The following VWCE variants were observed in gnomAD, a reference collection of about 807,000 sequenced individuals.
VWCE encodes the protein von Willebrand factor C and EGF domains.
A neutral mutation model predicts 102.9 loss-of-function variants in VWCE; 68 were observed. That is an observed-to-expected ratio of 0.66 (90% CI 0.54 to 0.81). The LOEUF (loss-of-function observed/expected upper bound fraction) is 0.81, where lower values mean the gene tolerates loss of function less well. VWCE is among the 30% of genes least tolerant of loss of function. VWCE has a pLI of 0.00. For missense variants in VWCE, 1,137 were observed against 1,263.6 expected (o/e 0.90, Z 1.52); for synonymous variants, 497 against 515.4 (o/e 0.96, Z 0.48).
At chr11:61,273,363 G>A (rs1298018494) in intron 12 of VWCE, 47 bp from the exon 13 acceptor site, 5 of 1,538,622 alleles carry the variant, frequency 3.2e-6, no homozygotes, top group Non-Finnish European at 4.4e-6. Context: ...CACCCTGCCT[G>A]GGGACCATGG....
chr11:61,285,665 C>T (rs1466414605), intron 5 of VWCE, among the ~76,000 whole-genome samples: 2 of 152,194 alleles, frequency 1.3e-5, no homozygotes, highest in African/African-American at 2.4e-5. Flanking sequence ...TCTCAGTGGC[C>T]TCCTTCCCCA....
chr11:61,258,612 G>A lies in VWCE; in HGVS notation c.*63C>T. 3 of 1,326,912 alleles carry A rather than the reference G, an allele frequency of 2.3e-6. No homozygotes were observed. In the South Asian group the frequency reaches 9.0e-5, roughly 40 times the overall value. 82.2% of individuals were successfully genotyped at this position (1,326,912 alleles called of 1,614,324 possible). A position where few individuals can be genotyped will look rare whatever the true frequency, so the allele number is the denominator to read the frequency against. On this transcript the variant is annotated 3_prime_UTR_variant, in exon 20 of 20. Transcript: ENST00000335613. ...CCAGGTTCATCCTTGGAGCTGCCCT[G>A]CACACACCCTGGGCCACTGGCAGAG...
rs764741197 is a variant in VWCE at position 61,293,241 on chromosome 11, C to CAAAAAAAAAAA, written c.110+1676_111-1666dup. The stretch of plus-strand genomic sequence containing the variant: ...GGGCAACAAGAGCAAAACTCCATCT[C>CAAAAAAAAAAA]AAAAAAAAAAAAAAAAAAAAAAAAA... On this transcript the variant is annotated intron_variant, in intron 1 of 19. Transcript: ENST00000335613. Among the ~76,000 whole-genome samples, 4 of 18,026 alleles carry CAAAAAAAAAAA rather than the reference C, an allele frequency of 2.2e-4. 1 individual carries two copies. Among genetic ancestry groups the CAAAAAAAAAAA allele is most frequent in the African/African-American group, 7.8e-4 (4 of 5,126 alleles). The allele number at this position is 18,026 out of a possible 152,430, so 11.8% of individuals were successfully genotyped here.
Position 61,258,621 on chromosome 11 carries a change from C to G in VWCE, c.*54G>C. ...TCCTTGGAGCTGCCCTGCACACACCCTGGGCCACTGGCAGAGGTCCTCTCT... is the reference window on the plus strand; with the variant it reads ...TCCTTGGAGCTGCCCTGCACACACCGTGGGCCACTGGCAGAGGTCCTCTCT... On this transcript the variant is annotated 3_prime_UTR_variant, in exon 20 of 20. Transcript: ENST00000335613. The G allele has an allele frequency of 7.5e-7, 1 of 1,338,628 alleles. No individual in the cohort carries two copies. The highest frequency in any genetic ancestry group is 2.7e-5 in the East Asian group (1 of 37,128). The allele number at this position is 1,338,628 out of a possible 1,614,324, so 82.9% of individuals were successfully genotyped here.
chr11:61,278,366 G>A (rs752155649), intron 10 of VWCE, 28 bp downstream of exon 10: 181 of 1,612,766 alleles, frequency 1.1e-4, no homozygotes, highest in Non-Finnish European at 1.5e-4. Context: ...AAACACCCAC[G>A]AGGCTTTGAG....
chr11:61,291,000 C>T, intron 3 of VWCE, 73 bp from the exon 4 acceptor site: 4 of 1,558,066 alleles, frequency 2.6e-6, no homozygotes, highest in Non-Finnish European at 3.5e-6. Context: ...CCAGGGTCCT[C>T]CTGAATTCTG....
chr11:61,286,107 C>T (rs1347154161), intron 5 of VWCE, among the ~76,000 whole-genome samples: 3 of 152,178 alleles, frequency 2.0e-5, no homozygotes, highest in Non-Finnish European at 4.4e-5. Context: ...TCTGACTCCA[C>T]CTCTTACTAA....
chr11:61,274,650 A>T, intron 11 of VWCE, 66 bp from the exon 12 acceptor site: 1 of 1,477,756 alleles, frequency 6.8e-7, no homozygotes. Flanking sequence ...AAAGGGGGGA[A>T]CAAATGGGTA....
rs1175076249 is a variant in VWCE at position 61,282,784 on chromosome 11, C to T, written c.658+5G>A. ...GTGCAGACCACAGGGTCCTCCCCGC[C>T]TTACCTACACAGGAGTGCCGGTTGC... On this transcript the variant is annotated splice_donor_5th_base_variant and intron_variant, in intron 6 of 19. Coordinates refer to ENST00000335613, the MANE Select transcript of VWCE (RefSeq NM_152718.2). 6.2e-7 allele frequency: 1 copy of T among 1,613,308 alleles called. No individual in the cohort carries two copies.
intron 4 of VWCE, 121 bp downstream of exon 4, chr11:61,290,678 C>A: frequency 8.6e-7 from 1 of 1,159,340 alleles, no homozygotes. Context: ...TCTCAAACAT[C>A]AGAGCCTATC....
At chr11:61,279,642 T>C in intron 9 of VWCE, among the ~76,000 whole-genome samples, 1 of 152,138 alleles carries the variant, frequency 6.6e-6, no homozygotes, top group Non-Finnish European at 1.5e-5. Flanking sequence ...TAACTACTGC[T>C]CAATCTCCAG....
chr11:61,259,003 C>A lies in VWCE; in HGVS notation c.2540G>T (p.Gly847Val). The A allele has an allele frequency of 6.2e-7, 1 of 1,613,270 alleles. No individual in the cohort carries two copies. Among genetic ancestry groups the A allele is most frequent in the South Asian group, 1.1e-5 (1 of 91,042 alleles). ...EPGASPRLSP[G>V]PSTPPGAPTL... ...GGGGGCTCCTGGAGGGGTCGAAGGC[C>A]CTGGTGAGAGTCGAGGGGAGGCCCC... Residue 847 changes from glycine (G) to valine (V), a missense_variant, in exon 20 of 20, where the codon GGG (glycine) becomes GTG (valine). Around this residue, in one of 5 missense-constraint regions of VWCE, gnomAD observed 316 missense variants for 319.3 expected, o/e 0.99. Transcript: ENST00000335613.
At chr11:61,273,447 C>T in intron 12 of VWCE, 131 bp from the exon 13 acceptor site, 1 of 847,088 alleles carries the variant, frequency 1.2e-6, no homozygotes, top group Non-Finnish European at 1.8e-6. Flanking sequence ...AAGAAATCTA[C>T]TAAAGTGAAA....
intron 4 of VWCE, 73 bp from the exon 5 acceptor site, chr11:61,286,503 G>A: frequency 1.4e-6 from 2 of 1,443,374 alleles, no homozygotes; most frequent in Non-Finnish European, 1.9e-6. Flanking sequence ...CAGTGTCTGG[G>A]AAGAAAGCAC....
chr11:61,260,776 A>G (rs1427816309), intron 19 of VWCE, among the ~76,000 whole-genome samples: 1 of 152,214 alleles, frequency 6.6e-6, no homozygotes, highest in Non-Finnish European at 1.5e-5. Context: ...GAAAAGATCA[A>G]AATTCAAAAT....
At chr11:61,288,518 A>G (rs577146659) in intron 4 of VWCE, among the ~76,000 whole-genome samples, 2 of 152,140 alleles carry the variant, frequency 1.3e-5, no homozygotes, top group Non-Finnish European at 2.9e-5. Context: ...CAACACCGCT[A>G]AGAAGCCCAC....
rs1362179833 is a variant in VWCE, at chr11:61,265,200, C to T, written c.1978G>A (p.Ala660Thr). The part of the protein sequence containing the change: ...LSCICLLGSV[A>T]CSPVDCPITC... ...ATGGGGCAGTCCACGGGGGAACAGGCCACTGAGCCCAGCTGCAGGACACAG... is the reference window on the plus strand; with the variant it reads ...ATGGGGCAGTCCACGGGGGAACAGGTCACTGAGCCCAGCTGCAGGACACAG... The change falls in exon 17 of 20, where the codon GCC becomes ACC. Residue 660 changes from alanine to threonine, a missense_variant. Coordinates refer to ENST00000335613, the MANE Select transcript of VWCE (RefSeq NM_152718.2). The T allele has an allele frequency of 2.0e-6, 3 of 1,487,202 alleles. No individual in the cohort carries two copies. Among genetic ancestry groups the T allele is most frequent in the Non-Finnish European group, 2.7e-6 (3 of 1,116,468 alleles). The allele number at this position is 1,487,202 out of a possible 1,614,324, so 92.1% of individuals were successfully genotyped here.
intron 4 of VWCE, among the ~76,000 whole-genome samples, 200 bp downstream of exon 4, chr11:61,290,599 G>A (rs960548338): frequency 5.3e-5 from 8 of 151,296 alleles, no homozygotes; most frequent in Middle Eastern, 7.0e-3. Flanking sequence ...CCCCTAAGAA[G>A]TGCTCAATAA....
At chr11:61,270,332 A>G (rs1031524687) in intron 14 of VWCE, among the ~76,000 whole-genome samples, 1 of 152,212 alleles carries the variant, frequency 6.6e-6, no homozygotes, top group African/African-American at 2.4e-5. Context: ...GTGAGAGCAG[A>G]GGTGTGGGCA....
Sources: gnomAD v4.1 joint callset for allele counts (sites outside exome capture counted in the v4.1 genomes callset) on GRCh38, gnomAD v4.1.1 for gene constraint, gnomAD v4.1.1 regional missense constraint, MANE v1.5 for transcripts, NCBI Gene and HGNC (gene_info 2026-07-23, HGNC 2026-07-21) for gene names.